NRF1: variants seen among roughly 807,000 people sequenced by gnomAD.
NRF1 encodes the protein alpha palindromic-binding protein.
NRF1 carries 5 observed loss-of-function variants against 58.5 expected under a neutral mutation model. That is an observed-to-expected ratio of 0.09 (90% CI 0.04 to 0.18). The LOEUF is 0.18. Ranked by LOEUF, NRF1 falls within the 10% of genes least tolerant of loss-of-function variation. The pLI is 1.00. For missense variants in NRF1, 288 were observed against 657.7 expected, an observed-to-expected ratio of 0.44 and a Z score of 6.15; for synonymous variants, 224 against 246.7, an observed-to-expected ratio of 0.91 and a Z score of 0.86.
chr7:129,651,616 GTTAGGTGCCATCTAA>G (rs1801538054), intron 1 of NRF1, among the ~76,000 whole-genome samples: 2 of 152,268 alleles, frequency 1.3e-5, no homozygotes, highest in East Asian at 3.9e-4. Context: ...TTGAAAAGCA[GTTAGGTGCCATCTAA>G]TCCCAAATCA....
rs1804226420 is a variant in NRF1 at position 129,755,299 on chromosome 7, T to C, written c.*118T>C. 1 of 423,520 alleles carries C rather than the reference T, an allele frequency of 2.4e-6. No homozygotes were observed. The allele number at this position is 423,520 out of a possible 1,614,324, so 26.2% of individuals were successfully genotyped here. On this transcript the variant is annotated 3_prime_UTR_variant, in exon 11 of 11. Transcript: ENST00000393232. The surrounding 1 kb of genome is among the most constrained non-coding windows in gnomAD (Gnocchi z 5.8). Reference sequence around the variant, plus strand: ...CTTTGGAAGGAAAGTTTTGTTAACCTTTTTTTTTTTAAAAGGAAGAAAGCG... The same window carrying C: ...CTTTGGAAGGAAAGTTTTGTTAACCCTTTTTTTTTTAAAAGGAAGAAAGCG...
chr7:129,628,521 CA>C (rs1800972985), intron 1 of NRF1, among the ~76,000 whole-genome samples: 1 of 152,048 alleles, frequency 6.6e-6, no homozygotes, highest in Non-Finnish European at 1.5e-5. Flanking sequence ...TTTTTCAAAA[CA>C]GAACACTTTA....
At chr7:129,691,738 G>A (rs1281139211) in intron 5 of NRF1, among the ~76,000 whole-genome samples, 2 of 152,038 alleles carry the variant, frequency 1.3e-5, no homozygotes, top group East Asian at 3.9e-4. Context: ...GTCTTCAGCA[G>A]CATTTGACAT....
chr7:129,704,978 TA>T (rs202034328), intron 5 of NRF1, among the ~76,000 whole-genome samples: 5 of 151,446 alleles, frequency 3.3e-5, no homozygotes, highest in Non-Finnish European at 4.4e-5. Context: ...TCTACTTTTT[TA>T]AAAAAAAAGA....
At chr7:129,675,059 T>A (rs1301726220) in intron 3 of NRF1, among the ~76,000 whole-genome samples, 1 of 152,216 alleles carries the variant, frequency 6.6e-6, no homozygotes, top group Non-Finnish European at 1.5e-5. Context: ...TGTGTAATAT[T>A]CTAAATCTTT....
At chr7:129,634,973 T>C (rs903295807) in intron 1 of NRF1, among the ~76,000 whole-genome samples, 1 of 152,178 alleles carries the variant, frequency 6.6e-6, no homozygotes, top group Non-Finnish European at 1.5e-5. Context: ...TCTTTATCTA[T>C]TTTTTTCCTT....
chr7:129,683,825 G>T (rs1198015537), intron 4 of NRF1, among the ~76,000 whole-genome samples: 1 of 151,410 alleles, frequency 6.6e-6, no homozygotes, highest in Non-Finnish European at 1.5e-5. Context: ...TAGAGAGGAG[G>T]CTTCACCATG....
intron 1 of NRF1, among the ~76,000 whole-genome samples, chr7:129,652,612 T>C (rs1422198033): frequency 6.6e-6 from 1 of 152,254 alleles, no homozygotes; most frequent in Non-Finnish European, 1.5e-5. Flanking sequence ...TATTTATTTA[T>C]TTGAGACGGA....
chr7:129,661,781 T>C (rs1321825804), intron 2 of NRF1, among the ~76,000 whole-genome samples: 1 of 150,994 alleles, frequency 6.6e-6, no homozygotes, highest in East Asian at 1.9e-4. Context: ...CCCCAGCCTA[T>C]TACCCAGTTC....
At chr7:129,729,964 C>T (rs1297545481) in intron 10 of NRF1, among the ~76,000 whole-genome samples, 3 of 152,062 alleles carry the variant, frequency 2.0e-5, no homozygotes, top group African/African-American at 7.2e-5. Flanking sequence ...CTCAGCCTCC[C>T]GAGTAGCTGG....
At chr7:129,643,458 A>G (rs998711795) in intron 1 of NRF1, among the ~76,000 whole-genome samples, 2 of 152,200 alleles carry the variant, frequency 1.3e-5, no homozygotes, top group Non-Finnish European at 2.9e-5. Flanking sequence ...GCTATCACAC[A>G]TGGCAACTAC....
chr7:129,732,061 C>T (rs1281814801), intron 10 of NRF1, among the ~76,000 whole-genome samples: 1 of 152,184 alleles, frequency 6.6e-6, no homozygotes, highest in Non-Finnish European at 1.5e-5. Flanking sequence ...TTCCAGGACT[C>T]CTGACCTCCA....
chr7:129,613,430 T>C (rs1377835843), intron 1 of NRF1, among the ~76,000 whole-genome samples: 1 of 152,174 alleles, frequency 6.6e-6, no homozygotes, highest in Non-Finnish European at 1.5e-5. Context: ...TTTCCTTATT[T>C]TATGAGTCCG....
intron 1 of NRF1, among the ~76,000 whole-genome samples, chr7:129,655,275 A>G (rs1801625672): frequency 6.6e-6 from 1 of 152,146 alleles, no homozygotes; most frequent in African/African-American, 2.4e-5. Context: ...TCTAGTATTT[A>G]GGAAAACAAC....
At chr7:129,702,888 C>CA (rs1721291673) in intron 5 of NRF1, among the ~76,000 whole-genome samples, 1 of 152,130 alleles carries the variant, frequency 6.6e-6, no homozygotes, top group Non-Finnish European at 1.5e-5. Flanking sequence ...TCAGGAGCCT[C>CA]AAAATCCCTA....
chr7:129,681,968 G>A (rs770250755), intron 4 of NRF1, among the ~76,000 whole-genome samples: 9 of 151,222 alleles, frequency 6.0e-5, no homozygotes, highest in Non-Finnish European at 1.3e-4. Context: ...TGTACTCCCA[G>A]CTACTTGGGA....
chr7:129,662,447 G>A (rs925915710), intron 2 of NRF1, among the ~76,000 whole-genome samples: 19 of 146,138 alleles, frequency 1.3e-4, no homozygotes, highest in African/African-American at 3.8e-4. Context: ...TGCACTGAAC[G>A]GTTTCCAATA....
Position 129,644,315 on chromosome 7 carries a change from T to C in NRF1, c.-6-13031T>C, listed in dbSNP as rs73159616. Among the ~76,000 whole-genome samples the C allele has an allele frequency of 1.2e-3, 185 of 152,366 alleles. 2 individuals are homozygous for C. The highest frequency in any genetic ancestry group is 2.1e-3 in the Non-Finnish European group (143 of 68,032). On this transcript the variant is annotated intron_variant, in intron 1 of 10. Transcript: ENST00000393232. The stretch of plus-strand genomic sequence containing the variant: ...TAATGAGTAAAAAGACAGCGTACTT[T>C]TGACTGTGAACGTCTGTAGGGCAAG...
chr7:129,693,749 T>A (rs1383808325), intron 5 of NRF1, among the ~76,000 whole-genome samples: 1 of 152,216 alleles, frequency 6.6e-6, no homozygotes. Flanking sequence ...ATAAAGTGAA[T>A]TATTTTTATC....
Sources: gnomAD v4.1 joint callset for allele counts (sites outside exome capture counted in the v4.1 genomes callset) on GRCh38, gnomAD v4.1.1 for gene constraint, Gnocchi (gnomAD v3.1) non-coding constraint, MANE v1.5 for transcripts, NCBI Gene and HGNC (gene_info 2026-07-23, HGNC 2026-07-21) for gene names.